FAM20C: variants seen among roughly 807,000 people sequenced by gnomAD.
FAM20C encodes extracellular serine/threonine protein kinase FAM20C.
Under a neutral mutation model 51.5 loss-of-function variants are expected in FAM20C, and 40 were observed. That is an observed-to-expected ratio of 0.78 (90% CI 0.60 to 1.01). The LOEUF (loss-of-function observed/expected upper bound fraction) is 1.01, where lower values mean the gene tolerates loss of function less well. FAM20C is among the 50% of genes least tolerant of loss of function. FAM20C has a pLI of 0.00. For synonymous variants in FAM20C, 406 were observed against 380.6 expected (o/e 1.07, Z -0.78); for missense variants, 861 against 844.7 (o/e 1.02, Z -0.24).
intron 1 of FAM20C, 61 bp downstream of exon 1, chr7:193,865 G>A (rs1371918908): frequency 5.9e-6 from 9 of 1,513,052 alleles, no homozygotes; most frequent in Middle Eastern, 2.0e-4. Flanking sequence ...GCATGGTGTA[G>A]AGAGGTTCAG....
intron 3 of FAM20C, among the ~76,000 whole-genome samples, chr7:230,372 T>TGGGGG (rs58866144): frequency 0.046 from 339 of 7,442 alleles, 3 homozygotes; most frequent in Non-Finnish European, 0.08. Context: ...CAGGACGGGG[T>TGGGGG]GGGGGGGGGG....
chr7:237,667 G>C (rs1438247296), intron 3 of FAM20C, among the ~76,000 whole-genome samples: 1 of 149,972 alleles, frequency 6.7e-6, no homozygotes. Context: ...TACTGATGGT[G>C]ATAGTGATGA....
At chr7:193,990 G>C in intron 1 of FAM20C, 186 bp downstream of exon 1, 1 of 964,138 alleles carries the variant, frequency 1.0e-6, no homozygotes, top group Non-Finnish European at 1.4e-6. Flanking sequence ...TCCTCCTTGG[G>C]AGGGGCTGCC....
chr7:257,828 AGATGGGCAGGGTGGACCCACTGCCTGGGG>A, intron 8 of FAM20C, among the ~76,000 whole-genome samples: 4 of 121,736 alleles, frequency 3.3e-5, no homozygotes, highest in Non-Finnish European at 3.5e-5. Flanking sequence ...GGGGTGCTGG[AGATGGGCAGGGTGGACCCACTGCCTGGGG>A]TGCTGGAGAT....
intron 8 of FAM20C, 128 bp from the exon 9 acceptor site, chr7:258,518 G>C: frequency 1.2e-6 from 1 of 851,382 alleles, no homozygotes; most frequent in Non-Finnish European, 1.9e-6. Context: ...TGCTGGAGAT[G>C]GGCTGGGTGG....
Position 192,904 on chromosome 7 carries a change from G to T in FAM20C, c.-296G>T, listed in dbSNP as rs1018929431. The T allele has an allele frequency of 6.7e-6, 1 of 149,470 alleles. No homozygotes were observed. Among genetic ancestry groups the T allele is most frequent in the Non-Finnish European group, 1.5e-5 (1 of 67,462 alleles). The allele number at this position is 149,470 out of a possible 1,614,324, so 9.3% of individuals were successfully genotyped here. ...GAGCGCCGAGCCTCCCCCTGCTGCG[G>T]CCCCAGCCGCCCCCCGCGCGCCCGG... On this transcript the variant is annotated 5_prime_UTR_variant, in exon 1 of 10. Transcript: ENST00000313766.
chr7:198,750 A>G (rs1326126484), intron 2 of FAM20C, among the ~76,000 whole-genome samples: 1 of 152,214 alleles, frequency 6.6e-6, no homozygotes, highest in East Asian at 1.9e-4. Context: ...CCTGCTGGGC[A>G]GGGTCTCCAA....
At position 209,026 on chromosome 7, in the gene FAM20C, C is replaced by T. The variant is rs1244177103; in HGVS notation, c.863+50C>T. 9.7e-6 allele frequency: 15 copies of T among 1,538,592 alleles called. No individual in the cohort carries two copies. In the Admixed American group the frequency reaches 1.8e-4, roughly 18 times the overall value. Reference sequence around the variant, plus strand: ...GGGCGTGAGGAGCTGGAGCTGCAGGCGAGCAGGCGCCGGGCTTCTGCTGGG... The same window carrying T: ...GGGCGTGAGGAGCTGGAGCTGCAGGTGAGCAGGCGCCGGGCTTCTGCTGGG... On this transcript the variant is annotated intron_variant, in intron 3 of 9. Coordinates refer to ENST00000313766, the MANE Select transcript of FAM20C (RefSeq NM_020223.4).
intron 2 of FAM20C, among the ~76,000 whole-genome samples, chr7:199,661 AGCACAGCTGGTTAG>A (rs1453707853): frequency 7.2e-5 from 11 of 152,216 alleles, no homozygotes; most frequent in Admixed American, 7.2e-4. Context: ...CGTGGTCTAC[AGCACAGCTGGTTAG>A]GGCCAGCGGA....
chr7:200,478 A>C (rs1317443063), intron 2 of FAM20C, among the ~76,000 whole-genome samples: 1 of 152,122 alleles, frequency 6.6e-6, no homozygotes, highest in East Asian at 1.9e-4. Flanking sequence ...GGTGAGGAGC[A>C]AAAGCTCATG....
intron 8 of FAM20C, among the ~76,000 whole-genome samples, 170 bp from the exon 9 acceptor site, chr7:258,467 TGGGGTGCTG>T (rs1788736062): frequency 1.1e-5 from 1 of 90,174 alleles, no homozygotes; most frequent in African/African-American, 6.3e-5. Flanking sequence ...ACCCACTGCC[TGGGGTGCTG>T]GAGATGGGTG....
intron 3 of FAM20C, among the ~76,000 whole-genome samples, chr7:240,554 G>A (rs1426861135): frequency 1.3e-5 from 2 of 151,960 alleles, no homozygotes; most frequent in East Asian, 3.9e-4. Flanking sequence ...TGGTAGAGGT[G>A]ACATTGATAG....
intron 3 of FAM20C, chr7:229,026 A>T (rs1165228745): frequency 3.4e-6 from 1 of 291,052 alleles, no homozygotes; most frequent in Non-Finnish European, 6.6e-6. Context: ...CCACCCACGC[A>T]CCCCACCCCC....
chr7:220,319 C>T (rs1463740962), intron 3 of FAM20C, among the ~76,000 whole-genome samples: 1 of 152,226 alleles, frequency 6.6e-6, no homozygotes, highest in Non-Finnish European at 1.5e-5. Flanking sequence ...CCCTGCCCAG[C>T]AGAGTCGCTG....
chr7:246,287 G>A, intron 3 of FAM20C, 128 bp from the exon 4 acceptor site: 1 of 750,130 alleles, frequency 1.3e-6, no homozygotes, highest in East Asian at 2.7e-5. Context: ...GAAGGCTCAG[G>A]GTGGCCCTGA....
Position 255,849 on chromosome 7 carries a change from CCAA to C in FAM20C, c.1079_1081del (p.Asn360del). On this transcript the variant is annotated inframe_deletion and splice_region_variant, in exon 6 of 10. Transcript: ENST00000313766. Reference sequence around the variant, plus strand: ...TAACCCGCAGCCTGTCCCTCCCCAGCCAACAACATCTGCTTCTACGGCGAGTGT... The same window carrying C: ...TAACCCGCAGCCTGTCCCTCCCCAGCCAACATCTGCTTCTACGGCGAGTGT... 2.6e-6 allele frequency: 4 copies of C among 1,536,404 alleles called. No homozygotes were observed. Among genetic ancestry groups the C allele is most frequent in the Non-Finnish European group, 3.5e-6 (4 of 1,146,840 alleles).
intron 3 of FAM20C, chr7:228,531 G>A (rs1382543484): frequency 2.2e-6 from 1 of 456,102 alleles, no homozygotes; most frequent in Non-Finnish European, 4.4e-6. Context: ...CTGCCATGGG[G>A]GCTGTGGAGG....
intron 2 of FAM20C, among the ~76,000 whole-genome samples, chr7:200,859 C>G (rs904624912): frequency 1.3e-5 from 2 of 152,184 alleles, no homozygotes; most frequent in Non-Finnish European, 2.9e-5. Flanking sequence ...GCTCCCAGCT[C>G]TTCCAGCCCC....
At chr7:258,747 C>T (rs753001933) in intron 9 of FAM20C, 42 bp downstream of exon 9, 76 of 1,516,362 alleles carry the variant, frequency 5.0e-5, no homozygotes, top group Non-Finnish European at 5.6e-5. Context: ...CACCCTCCTC[C>T]CTACTGCGCA....
Sources: allele counts gnomAD v4.1 joint callset (sites outside exome capture counted in the v4.1 genomes callset), GRCh38; gene constraint gnomAD v4.1.1; transcripts MANE v1.5; gene names NCBI Gene and HGNC (gene_info 2026-07-23, HGNC 2026-07-21).